Variants in RAD51D observed in about 807,000 individuals in gnomAD.
RAD51D encodes the protein DNA repair protein RAD51 homolog 4.
A neutral mutation model predicts 44.1 loss-of-function variants in RAD51D; 38 were observed. The observed-to-expected ratio is 0.86, with a 90% CI of 0.67 to 1.13. The LOEUF is 1.13. Among genes scored for constraint, RAD51D ranks in the 50% most tolerant of loss-of-function variants. The pLI, the probability that RAD51D is intolerant of heterozygous loss-of-function variation, is 0.00. For missense variants in RAD51D, 390 were observed against 414.0 expected (o/e 0.94, Z 0.50); for synonymous variants, 141 against 166.6 (o/e 0.85, Z 1.18).
intron 8 of RAD51D, among the ~76,000 whole-genome samples, chr17:35,102,660 G>C (rs1044683584): frequency 1.3e-5 from 2 of 151,916 alleles, no homozygotes; most frequent in African/African-American, 4.8e-5. Flanking sequence ...AAGAAAGTTG[G>C]CTAAAAGTAT....
chr17:35,101,467 A>G, intron 8 of RAD51D, 102 bp from the exon 9 acceptor site: 1 of 1,316,940 alleles, frequency 7.6e-7, no homozygotes, highest in Non-Finnish European at 1.1e-6. Flanking sequence ...TAGCACAGAG[A>G]AATAACTTCC....
chr17:35,103,920 A>G lies in RAD51D; in HGVS notation c.577-376T>C, dbSNP rs970086078. 3.3e-5 allele frequency among the ~76,000 whole-genome samples: 5 copies of G among 152,128 alleles called. No homozygotes were observed. The highest frequency in any genetic ancestry group is 1.2e-4 in the African/African-American group (5 of 41,424). On this transcript the variant is annotated intron_variant, in intron 6 of 9. Transcript: ENST00000345365. The surrounding 1 kb of genome is among the most constrained non-coding windows in gnomAD (Gnocchi z 4.1). The stretch of plus-strand genomic sequence containing the variant: ...TGGTGAAACCCCGTCTCCACTAAAC[A>G]TACAAAAATTAGCTGGGCGTGGTGG...
intron 6 of RAD51D, among the ~76,000 whole-genome samples, chr17:35,105,917 T>G (rs978037866): frequency 1.3e-5 from 2 of 152,120 alleles, no homozygotes; most frequent in South Asian, 2.1e-4. Flanking sequence ...TGAATATGGA[T>G]GTGGATGTGT....
intron 2 of RAD51D, 81 bp downstream of exon 2, chr17:35,119,030 A>T: frequency 7.3e-7 from 1 of 1,370,026 alleles, no homozygotes; most frequent in South Asian, 1.2e-5. Flanking sequence ...GATTACAGGC[A>T]TGAGCCACCG....
intron 3 of RAD51D, among the ~76,000 whole-genome samples, chr17:35,115,896 A>AAAGGAAGGAAGGAAGG (rs201705308): frequency 2.2e-3 from 188 of 84,752 alleles, no homozygotes; most frequent in South Asian, 6.3e-3. Flanking sequence ...GGAAAGAAGG[A>AAAGGAAGGAAGGAAGG]AAGGAAGGAA....
intron 3 of RAD51D, among the ~76,000 whole-genome samples, chr17:35,111,965 A>G (rs2375912): frequency 0.96 from 146,148 of 152,352 alleles, 70,157 homozygotes; most frequent in East Asian, 1. Flanking sequence ...TCTTTCATCA[A>G]CAATTTAAAA....
intron 3 of RAD51D, among the ~76,000 whole-genome samples, chr17:35,109,439 G>A (rs922742798): frequency 4.6e-5 from 7 of 152,130 alleles, no homozygotes; most frequent in African/African-American, 1.7e-4. Flanking sequence ...ATTGCTGGGT[G>A]GTATGGTAAA....
At chr17:35,118,033 T>A (rs1026867561) in intron 3 of RAD51D, among the ~76,000 whole-genome samples, 1 of 152,186 alleles carries the variant, frequency 6.6e-6, no homozygotes, top group Non-Finnish European at 1.5e-5. Flanking sequence ...TCTCTTGCCA[T>A]ATCCTTAAGT....
chr17:35,108,312 G>A (rs1597864437), intron 3 of RAD51D, among the ~76,000 whole-genome samples: 1 of 151,612 alleles, frequency 6.6e-6, no homozygotes, highest in African/African-American at 2.4e-5. Context: ...TAGATTCCCA[G>A]GAAGTTGCAA....
chr17:35,114,280 A>T (rs2091711578), intron 3 of RAD51D, among the ~76,000 whole-genome samples: 1 of 152,036 alleles, frequency 6.6e-6, no homozygotes, highest in Non-Finnish European at 1.5e-5. Flanking sequence ...TCAAAAAAAT[A>T]AAATTAATTA....
At chr17:35,119,009 C>CA in intron 2 of RAD51D, 102 bp downstream of exon 2, 1 of 1,178,600 alleles carries the variant, frequency 8.5e-7, no homozygotes, top group Non-Finnish European at 1.3e-6. Context: ...CTCGGCCTCC[C>CA]AAAGTGCTGG....
At chr17:35,105,613 A>C (rs2091592258) in intron 6 of RAD51D, among the ~76,000 whole-genome samples, 1 of 152,152 alleles carries the variant, frequency 6.6e-6, no homozygotes, top group Admixed American at 6.6e-5. Flanking sequence ...GTCATTTATA[A>C]ATCAGTGCAC....
rs2091505525 is a variant in RAD51D at position 35,098,844 on chromosome 17, A to G, written c.*2109T>C. ...TCTGTTAAGTAACAGGATGGGCCAG[A>G]TGATTTTTTTTTTCCTTGAGACAGG... On this transcript the variant is annotated 3_prime_UTR_variant, in exon 10 of 10. Coordinates refer to ENST00000345365, the MANE Select transcript of RAD51D (RefSeq NM_002878.4). 6.6e-6 allele frequency: 1 copy of G among 151,912 alleles called. No individual in the cohort carries two copies. Among genetic ancestry groups the G allele is most frequent in the Non-Finnish European group, 1.5e-5 (1 of 68,062 alleles). 9.4% of individuals were successfully genotyped at this position (151,912 alleles called of 1,614,324 possible).
At chr17:35,117,107 T>G in intron 3 of RAD51D, 1 of 1,498,198 alleles carries the variant, frequency 6.7e-7, no homozygotes, top group East Asian at 2.3e-5. Context: ...TCCTTACCGT[T>G]GCCTCCCTCG....
In RAD51D at chr17:35,107,450, G is replaced by A. The variant is rs1597863415; in HGVS notation, c.264-3C>T. On this transcript the variant is annotated splice_polypyrimidine_tract_variant and splice_region_variant and intron_variant, in intron 3 of 9. Transcript: ENST00000345365. ...CAGCATCAAGCAGTTTATCAAGACT[G>A]ATGGCAGAAGAGAAGAAAATCAACA... The A allele has an allele frequency of 6.5e-7, 1 of 1,534,636 alleles. No individual in the cohort carries two copies. Among genetic ancestry groups the A allele is most frequent in the Non-Finnish European group, 9.0e-7 (1 of 1,107,764 alleles).
Position 35,095,544 on chromosome 17 carries a change from C to A in RAD51D, c.*5409G>T, listed in dbSNP as rs2142400180. 1 of 152,122 alleles carries A rather than the reference C, an allele frequency of 6.6e-6. No individual in the cohort carries two copies. The highest frequency in any genetic ancestry group is 2.1e-4 in the South Asian group (1 of 4,826). The allele number at this position is 152,122 out of a possible 1,614,324, so 9.4% of individuals were successfully genotyped here. A position where few individuals can be genotyped will look rare whatever the true frequency, so the allele number is the denominator to read the frequency against. ...GTGGGTCATGCCTATAATCCCAGTT[C>A]TTTGGGAGGCTGAGGCAGGCAGATC... On this transcript the variant is annotated 3_prime_UTR_variant, in exon 10 of 10. Coordinates refer to ENST00000345365, the MANE Select transcript of RAD51D (RefSeq NM_002878.4).
At chr17:35,107,210 C>A (rs2142435172) in intron 4 of RAD51D, 88 bp from the exon 5 acceptor site, 1 of 1,542,984 alleles carries the variant, frequency 6.5e-7, no homozygotes, top group Non-Finnish European at 8.9e-7. Flanking sequence ...ATTCCAGCAA[C>A]ACAAATGGGC....
chr17:35,119,296 G>T, intron 1 of RAD51D, 124 bp from the exon 2 acceptor site: 1 of 1,002,988 alleles, frequency 1.0e-6, no homozygotes, highest in Non-Finnish European at 1.6e-6. Context: ...GGAGGCCAGT[G>T]TGAAATAACA....
At chr17:35,117,160 C>G in intron 3 of RAD51D, 1 of 1,082,790 alleles carries the variant, frequency 9.2e-7, no homozygotes, top group Non-Finnish European at 1.3e-6. Flanking sequence ...TCCCCTACAC[C>G]CAACTAGAGG....
Sources: allele counts gnomAD v4.1 joint callset (sites outside exome capture counted in the v4.1 genomes callset), GRCh38; gene constraint gnomAD v4.1.1; non-coding constraint Gnocchi (gnomAD v3.1); transcripts MANE v1.5; gene names NCBI Gene and HGNC (gene_info 2026-07-23, HGNC 2026-07-21).